SLC12A1: variants seen among roughly 807,000 people sequenced by gnomAD.
The protein encoded by SLC12A1 is Na-K-2Cl cotransporter.
A neutral mutation model predicts 130.4 loss-of-function variants in SLC12A1; 89 were observed. The observed-to-expected ratio is 0.68, with a 90% confidence interval of 0.58 to 0.81. The LOEUF is 0.81. Among genes scored for constraint, SLC12A1 ranks in the 40% least tolerant of loss-of-function variants. SLC12A1 has a pLI of 0.00. For synonymous variants in SLC12A1, 499 were observed against 460.0 expected, an observed-to-expected ratio of 1.08 and a Z score of -1.09; for missense variants, 1,310 against 1,336.4, an observed-to-expected ratio of 0.98 and a Z score of 0.31.
At chr15:48,302,254 A>G (rs192883285) in intron 26 of SLC12A1, among the ~76,000 whole-genome samples, 1 of 152,334 alleles carries the variant, frequency 6.6e-6, no homozygotes, top group Admixed American at 6.5e-5. Flanking sequence ...AGATAGTATT[A>G]CCTGAAAAAT....
chr15:48,292,577 C>A (rs2042132838), intron 24 of SLC12A1, among the ~76,000 whole-genome samples: 1 of 152,182 alleles, frequency 6.6e-6, no homozygotes, highest in African/African-American at 2.4e-5. Context: ...GTGGATTAAA[C>A]AACAGACATT....
In SLC12A1 at chr15:48,265,626, T is replaced by C. The variant is rs555549376; in HGVS notation, c.2155-1935T>C. Reference sequence around the variant, plus strand: ...TCTAGTTTAGTAACTACCCTGCCAATCTCTCTATCTTTTCTATCTTCATGG... The same window carrying C: ...TCTAGTTTAGTAACTACCCTGCCAACCTCTCTATCTTTTCTATCTTCATGG... On this transcript the variant is annotated intron_variant, in intron 17 of 26. Transcript: ENST00000380993. Among the ~76,000 whole-genome samples the C allele has an allele frequency of 2.6e-5, 4 of 152,304 alleles. No individual in the cohort carries two copies. The East Asian group carries it at 7.7e-4, about 29-fold the overall frequency.
At chr15:48,233,569 T>A (rs1403445128) in intron 8 of SLC12A1, among the ~76,000 whole-genome samples, 2 of 152,196 alleles carry the variant, frequency 1.3e-5, no homozygotes, top group Non-Finnish European at 2.9e-5. Context: ...GAAATTTGAC[T>A]TCTTTCTCTC....
Position 48,220,849 on chromosome 15 carries a change from T to A in SLC12A1, c.553-72T>A, listed in dbSNP as rs145525182. On this transcript the variant is annotated intron_variant, in intron 3 of 26. Transcript: ENST00000380993. Reference sequence around the variant, plus strand: ...AGAGTGAACAAGGCCTGGGCACAGCTTTATGAAGAGCCCCGGGTTTTGTCC... The same window carrying A: ...AGAGTGAACAAGGCCTGGGCACAGCATTATGAAGAGCCCCGGGTTTTGTCC... 1,473 of 1,609,452 alleles carry A rather than the reference T, an allele frequency of 9.2e-4. 16 individuals carry two copies. The African/African-American group carries it at 0.018, about 19-fold the overall frequency.
intron 2 of SLC12A1, among the ~76,000 whole-genome samples, chr15:48,211,758 A>G (rs2141005226): frequency 6.6e-6 from 1 of 152,338 alleles, no homozygotes; most frequent in East Asian, 1.9e-4. Flanking sequence ...AAAAAGTTAC[A>G]TGACAAAATT....
At chr15:48,274,769 T>A in intron 20 of SLC12A1, 116 bp downstream of exon 20, 1 of 635,536 alleles carries the variant, frequency 1.6e-6, no homozygotes, top group East Asian at 2.8e-5. Context: ...CAGTGGAGCT[T>A]ACATTCTAGT....
chr15:48,248,919 C>T (rs1346275916), intron 13 of SLC12A1, among the ~76,000 whole-genome samples: 1 of 152,126 alleles, frequency 6.6e-6, no homozygotes, highest in Non-Finnish European at 1.5e-5. Flanking sequence ...TGGTGGGTGC[C>T]TATAGTCCCA....
rs1246103012 is a variant in SLC12A1 at position 48,244,735 on chromosome 15, C to G, written c.1301-18C>G. The G allele has an allele frequency of 6.2e-7, 1 of 1,613,396 alleles. No homozygotes were observed. The highest frequency in any genetic ancestry group is 1.7e-5 in the Admixed American group (1 of 59,984). On this transcript the variant is annotated intron_variant, in intron 10 of 26. Transcript: ENST00000380993. ...CAGAACTTTATAAAGAAATAACAAG[C>G]CACGGTTGTTTCCACAGGGGCCTGT...
In SLC12A1 at chr15:48,235,565, G is replaced by A. The variant is rs139638229; in HGVS notation, c.1215+561G>A. On this transcript the variant is annotated intron_variant, in intron 9 of 26. Transcript: ENST00000380993. Reference sequence around the variant, plus strand: ...ACATGTCTATAGTCCCAGACACTTGGGAGGCTGAGGTGGGAGGATTGCTTG... The same window carrying A: ...ACATGTCTATAGTCCCAGACACTTGAGAGGCTGAGGTGGGAGGATTGCTTG... Among the ~76,000 whole-genome samples the A allele has an allele frequency of 1.4e-4, 21 of 152,208 alleles. No homozygotes were observed. In the East Asian group the frequency reaches 4.1e-3, roughly 29 times the overall value.
At chr15:48,237,266 G>C in intron 9 of SLC12A1, 1 of 490,256 alleles carries the variant, frequency 2.0e-6, no homozygotes. Context: ...CACCAAGAAA[G>C]ATGCTGCTAA....
intron 25 of SLC12A1, among the ~76,000 whole-genome samples, chr15:48,299,840 G>C (rs1200678706): frequency 1.3e-5 from 2 of 152,162 alleles, no homozygotes. Context: ...GCCAAATGAA[G>C]TTGGTGATAA....
At position 48,220,766 on chromosome 15, in the gene SLC12A1, G is replaced by A. The variant is rs1339440799; in HGVS notation, c.552+1G>A. ...GTTTGGATGGGTGAAAGGTGTGCTG[G>A]TGAGAAAGCTCTTCTGTTTACAAAT... is the stretch of plus-strand genomic sequence containing the variant. On this transcript the variant is annotated splice_donor_variant, in intron 3 of 26. Transcript: ENST00000380993. LOFTEE classifies it high-confidence loss of function. 6.2e-7 allele frequency: 1 copy of A among 1,613,948 alleles called. No individual in the cohort carries two copies. The highest frequency in any genetic ancestry group is 8.5e-7 in the Non-Finnish European group (1 of 1,179,878).
At chr15:48,266,445 C>G (rs1597440830) in intron 17 of SLC12A1, among the ~76,000 whole-genome samples, 1 of 144,442 alleles carries the variant, frequency 6.9e-6, no homozygotes, top group Admixed American at 6.9e-5. Context: ...AAAGCCTGGG[C>G]TTTTTTTTTT....
chr15:48,231,570 GTGC>G (rs2041378858), intron 7 of SLC12A1, among the ~76,000 whole-genome samples: 2 of 152,180 alleles, frequency 1.3e-5, no homozygotes, highest in East Asian at 3.9e-4. Context: ...TAACCTCTCG[GTGC>G]TTCAGTGTCT....
In SLC12A1 at chr15:48,253,976, C is replaced by T. The variant is rs192681696; in HGVS notation, c.1943-1835C>T. ...TAGCCAAGTGTCTGTTTAAATCTTT[C>T]GCTCATTTTTTAGTTGTTTTATTAT... On this transcript the variant is annotated intron_variant, in intron 15 of 26. Transcript: ENST00000380993. Among the ~76,000 whole-genome samples the T allele has an allele frequency of 3.9e-4, 59 of 152,206 alleles. No homozygotes were observed. The East Asian group carries it at 7.9e-3, about 20-fold the overall frequency.
intron 20 of SLC12A1, among the ~76,000 whole-genome samples, chr15:48,283,564 A>C (rs943985021): frequency 1.3e-5 from 2 of 152,246 alleles, no homozygotes; most frequent in Non-Finnish European, 2.9e-5. Context: ...ATTAATTGCT[A>C]AGACCTGGAA....
At chr15:48,240,290 C>A (rs2141048340) in intron 9 of SLC12A1, among the ~76,000 whole-genome samples, 2 of 151,918 alleles carry the variant, frequency 1.3e-5, no homozygotes, top group East Asian at 3.9e-4. Context: ...TGACTGCCTT[C>A]TTTTTCCTTC....
At chr15:48,274,975 G>A (rs761128455) in intron 20 of SLC12A1, among the ~76,000 whole-genome samples, 1 of 152,192 alleles carries the variant, frequency 6.6e-6, no homozygotes, top group African/African-American at 2.4e-5. Flanking sequence ...TCTGCAAGAT[G>A]TCTCAGAAAA....
chr15:48,232,197 G>A (rs2041389202), intron 7 of SLC12A1, among the ~76,000 whole-genome samples: 1 of 152,214 alleles, frequency 6.6e-6, no homozygotes, highest in Non-Finnish European at 1.5e-5. Context: ...CAGCATTGGA[G>A]GGGCTGAAGG....
Sources: allele counts gnomAD v4.1 joint callset (sites outside exome capture counted in the v4.1 genomes callset), GRCh38; gene constraint gnomAD v4.1.1; transcripts MANE v1.5; gene names NCBI Gene and HGNC (gene_info 2026-07-23, HGNC 2026-07-21).